Variants in DPH6 observed in about 807,000 individuals in gnomAD.
The protein encoded by DPH6 is diphthamine biosynthesis 6.
A neutral mutation model predicts 38.2 loss-of-function variants in DPH6; 33 were observed. The observed-to-expected ratio is 0.86, with a 90% CI of 0.65 to 1.15. The LOEUF (loss-of-function observed/expected upper bound fraction) is 1.15, where lower values mean the gene tolerates loss of function less well. Ranked by LOEUF, DPH6 falls within the 50% of genes most tolerant of loss-of-function variation. The pLI, the probability that DPH6 is intolerant of heterozygous loss-of-function variation, is 0.00. For missense variants in DPH6, 325 were observed against 320.0 expected (o/e 1.02, Z -0.12); for synonymous variants, 108 against 103.0 (o/e 1.05, Z -0.30).
chr15:35,537,236 G>A (rs1010708866), intron 3 of DPH6, among the ~76,000 whole-genome samples: 1 of 152,060 alleles, frequency 6.6e-6, no homozygotes, highest in Non-Finnish European at 1.5e-5. Context: ...AGTTCATGAG[G>A]TAACTTCTGA....
intron 3 of DPH6, among the ~76,000 whole-genome samples, chr15:35,303,663 G>C (rs1024847823): frequency 1.4e-5 from 2 of 141,910 alleles, no homozygotes; most frequent in African/African-American, 3.0e-5. Flanking sequence ...TTGGTGAAGA[G>C]AAAATTATTC....
At chr15:35,331,246 GT>G (rs1202662185) in intron 3 of DPH6, among the ~76,000 whole-genome samples, 1 of 152,170 alleles carries the variant, frequency 6.6e-6, no homozygotes, top group Admixed American at 6.6e-5. Context: ...TTATCACTGG[GT>G]TTTAATAAGT....
chr15:35,226,581 T>G (rs1189874801), intron 3 of DPH6, among the ~76,000 whole-genome samples: 2 of 152,136 alleles, frequency 1.3e-5, no homozygotes, highest in Non-Finnish European at 2.9e-5. Context: ...TGGGATACAT[T>G]TACAATAGCT....
the DPH6 span, among the ~76,000 whole-genome samples, chr15:35,165,943 T>A: frequency 6.6e-6 from 1 of 152,088 alleles, no homozygotes; most frequent in Middle Eastern, 3.4e-3. Flanking sequence ...TCATATCAGT[T>A]AATTTGGGGG....
intron 3 of DPH6, among the ~76,000 whole-genome samples, chr15:35,229,329 T>TCGGA (rs147414140): frequency 1.0e-5 from 1 of 98,460 alleles, no homozygotes; most frequent in Non-Finnish European, 2.3e-5. Context: ...ATTAAAAGAC[T>TCGGA]CGGATGTATT....
intron 6 of DPH6, among the ~76,000 whole-genome samples, chr15:35,398,456 A>G (rs1316911594): frequency 6.6e-6 from 1 of 152,206 alleles, no homozygotes; most frequent in Non-Finnish European, 1.5e-5. Context: ...GCCTCCATGA[A>G]AACCCGAACG....
chr15:35,461,121 G>A (rs1351396155), intron 3 of DPH6, among the ~76,000 whole-genome samples: 1 of 152,150 alleles, frequency 6.6e-6, no homozygotes, highest in Non-Finnish European at 1.5e-5. Flanking sequence ...GTCTCGCTCT[G>A]TCGCCCAGGC....
Position 35,450,725 on chromosome 15 carries a change from T to C in DPH6, c.465A>G (p.Ser155=), listed in dbSNP as rs1278398770. 1.2e-6 allele frequency: 2 copies of C among 1,613,448 alleles called. No homozygotes were observed. The highest frequency in any genetic ancestry group is 1.7e-6 in the Non-Finnish European group (2 of 1,179,712). Residue 155 remains serine (S), a synonymous_variant, in exon 5 of 9, where the codon TCA becomes TCG. Coordinates refer to ENST00000256538, the MANE Select transcript of DPH6 (RefSeq NM_080650.4). ...TGATGATCATTGCTTGAATGTTAGATGATATCATCTCTCTGAGCAAATCTT... is the reference window on the plus strand; with the variant it reads ...TGATGATCATTGCTTGAATGTTAGACGATATCATCTCTCTGAGCAAATCTT... ...NQEDLLREMI[S]SNIQAMIIKV... is the part of the protein sequence containing the mutation.
At chr15:35,495,557 G>A (rs1331050703) in intron 3 of DPH6, among the ~76,000 whole-genome samples, 1 of 152,030 alleles carries the variant, frequency 6.6e-6, no homozygotes, top group Non-Finnish European at 1.5e-5. Flanking sequence ...CTTCTACACA[G>A]GAAATGCCAA....
intron 3 of DPH6, among the ~76,000 whole-genome samples, chr15:35,358,830 G>T (rs997280471): frequency 6.6e-6 from 1 of 152,156 alleles, no homozygotes; most frequent in Non-Finnish European, 1.5e-5. Context: ...AGCTTTGGTG[G>T]TTTAATGTTC....
At chr15:35,490,810 G>A (rs2054466380) in intron 3 of DPH6, among the ~76,000 whole-genome samples, 1 of 152,070 alleles carries the variant, frequency 6.6e-6, no homozygotes, top group South Asian at 2.1e-4. Flanking sequence ...GTTTTCTGCT[G>A]CTATAAGAGA....
intron 2 of DPH6, 115 bp from the exon 3 acceptor site, chr15:35,538,582 A>C: frequency 3.4e-6 from 3 of 879,448 alleles, no homozygotes; most frequent in Non-Finnish European, 3.2e-6. Flanking sequence ...AAAGCTTGCT[A>C]TACTATGTTT....
intron 3 of DPH6, among the ~76,000 whole-genome samples, chr15:35,352,018 C>A (rs1249525973): frequency 6.6e-6 from 1 of 152,096 alleles, no homozygotes; most frequent in Non-Finnish European, 1.5e-5. Context: ...CCTCACACAG[C>A]CAGATATTGC....
At chr15:35,146,960 C>T in the DPH6 span, among the ~76,000 whole-genome samples, 1 of 152,138 alleles carries the variant, frequency 6.6e-6, no homozygotes, top group Non-Finnish European at 1.5e-5. Context: ...GGGGACAACA[C>T]TCCTGATCTC....
At chr15:35,479,365 G>A (rs1407696632) in intron 3 of DPH6, among the ~76,000 whole-genome samples, 4 of 152,072 alleles carry the variant, frequency 2.6e-5, no homozygotes, top group Non-Finnish European at 5.9e-5. Flanking sequence ...ATTGAAAAGT[G>A]TATTGTAGAC....
rs150875629 is a variant in DPH6 at position 35,447,432 on chromosome 15, T to C, written c.505+3253A>G. Among the ~76,000 whole-genome samples, 606 of 151,710 alleles carry C rather than the reference T, an allele frequency of 4.0e-3. 1 individual carries two copies. Among genetic ancestry groups the C allele is most frequent in the African/African-American group, 0.014 (589 of 41,514 alleles). On this transcript the variant is annotated intron_variant, in intron 5 of 8. Transcript: ENST00000256538. ...ACTTATAATGCCTTTCTATCTCTTA[T>C]ACGTCCCCCCCCGCCATTTCCATCT...
chr15:35,275,482 A>G (rs1336634287), intron 3 of DPH6, among the ~76,000 whole-genome samples: 1 of 152,128 alleles, frequency 6.6e-6, no homozygotes, highest in Non-Finnish European at 1.5e-5. Context: ...TTTTTCACAC[A>G]TAAGTGGGAG....
At chr15:35,281,028 T>G (rs1335507807) in intron 3 of DPH6, among the ~76,000 whole-genome samples, 1 of 152,188 alleles carries the variant, frequency 6.6e-6, no homozygotes, top group African/African-American at 2.4e-5. Flanking sequence ...TATGTATACA[T>G]GTGCCATGCT....
intron 3 of DPH6, among the ~76,000 whole-genome samples, chr15:35,233,350 C>T (rs2051531366): frequency 6.6e-6 from 1 of 152,058 alleles, no homozygotes; most frequent in African/African-American, 2.4e-5. Flanking sequence ...CATGTACAGA[C>T]ATAAAACAAT....
Sources: allele counts gnomAD v4.1 joint callset (sites outside exome capture counted in the v4.1 genomes callset), GRCh38; gene constraint gnomAD v4.1.1; transcripts MANE v1.5; gene names NCBI Gene and HGNC (gene_info 2026-07-23, HGNC 2026-07-21).